The following THEMIS variants were observed in gnomAD, a reference collection of about 807,000 sequenced individuals.
The protein encoded by THEMIS is protein THEMIS.
A neutral mutation model predicts 52.6 loss-of-function variants in THEMIS; 37 were observed. The ratio of observed to expected loss-of-function variants is 0.70; its 90% CI spans 0.54 to 0.93. The LOEUF (loss-of-function observed/expected upper bound fraction) is 0.93. Among genes scored for constraint, THEMIS ranks in the 40% least tolerant of loss-of-function variants. The pLI is 0.00. For missense variants in THEMIS, 808 were observed against 763.1 expected (o/e 1.06, Z -0.69); for synonymous variants, 292 against 272.7 (o/e 1.07, Z -0.70).
chr6:127,727,317 T>G (rs1774584425), intron 4 of THEMIS, among the ~76,000 whole-genome samples: 1 of 152,192 alleles, frequency 6.6e-6, no homozygotes, highest in Non-Finnish European at 1.5e-5. Context: ...ATTAATCTTA[T>G]TTTAAATTAT....
chr6:127,908,704 C>T (rs1440652929), intron 1 of THEMIS, among the ~76,000 whole-genome samples: 1 of 152,116 alleles, frequency 6.6e-6, no homozygotes, highest in African/African-American at 2.4e-5. Flanking sequence ...TGTGATGTAA[C>T]TCTAACATTT....
chr6:127,769,145 A>G (rs1172760910), intron 4 of THEMIS, among the ~76,000 whole-genome samples: 1 of 152,200 alleles, frequency 6.6e-6, no homozygotes, highest in African/African-American at 2.4e-5. Flanking sequence ...GATTTCTTAA[A>G]TCCACACTTC....
At chr6:127,778,864 G>A (rs1479233242) in intron 4 of THEMIS, among the ~76,000 whole-genome samples, 2 of 149,640 alleles carry the variant, frequency 1.3e-5, no homozygotes, top group African/African-American at 2.5e-5. Flanking sequence ...AAAAATGGAA[G>A]GAATTGGAGA....
chr6:127,829,169 C>T (rs1778609015), intron 3 of THEMIS, among the ~76,000 whole-genome samples: 1 of 152,156 alleles, frequency 6.6e-6, no homozygotes, highest in South Asian at 2.1e-4. Context: ...AAAAGTAGCT[C>T]TTTTCTAGTC....
intron 4 of THEMIS, among the ~76,000 whole-genome samples, chr6:127,780,165 C>CT (rs1215138144): frequency 3.3e-5 from 5 of 152,024 alleles, no homozygotes; most frequent in Non-Finnish European, 7.4e-5. Flanking sequence ...CTTTCTTTGT[C>CT]TTTTTTGATC....
intron 4 of THEMIS, among the ~76,000 whole-genome samples, chr6:127,721,256 C>T (rs1322962986): frequency 2.0e-5 from 3 of 151,958 alleles, no homozygotes; most frequent in Non-Finnish European, 4.4e-5. Context: ...CAGATGAATT[C>T]CACAGCTTCA....
Position 127,813,285 on chromosome 6 carries a change from CTG to C in THEMIS, c.1354_1355del (p.Gln452ValfsTer17). 1 of 1,614,150 alleles carries C rather than the reference CTG, an allele frequency of 6.2e-7. No homozygotes were observed. Among genetic ancestry groups the C allele is most frequent in the South Asian group, 1.1e-5 (1 of 91,080 alleles). On this transcript the variant is annotated frameshift_variant, in exon 4 of 6. Transcript: ENST00000368248. LOFTEE classifies it high-confidence loss of function. ...CCTTCACATTGAAGGGCAAACGGAA[CTG>C]TTTACAGAGCTCAGAAATCGGGTAC... ...KQYPISELCK[Q>X]FRLPFNVKVS...
chr6:127,776,033 C>T (rs1776555552), intron 4 of THEMIS, among the ~76,000 whole-genome samples: 1 of 152,098 alleles, frequency 6.6e-6, no homozygotes, highest in Admixed American at 6.5e-5. Context: ...TTGTCTTTGA[C>T]CCATGTATTC....
At chr6:127,764,441 T>A (rs994715785) in intron 4 of THEMIS, among the ~76,000 whole-genome samples, 3 of 151,946 alleles carry the variant, frequency 2.0e-5, no homozygotes, top group Non-Finnish European at 4.4e-5. Flanking sequence ...ACTCCTATAA[T>A]CAATAAGAAT....
chr6:127,728,082 C>T (rs1310531862), intron 4 of THEMIS, among the ~76,000 whole-genome samples: 1 of 152,166 alleles, frequency 6.6e-6, no homozygotes, highest in African/African-American at 2.4e-5. Flanking sequence ...TGCTTTCCCT[C>T]TCCAAACATG....
chr6:127,739,704 A>G (rs1410005176), intron 4 of THEMIS, among the ~76,000 whole-genome samples: 2 of 152,228 alleles, frequency 1.3e-5, no homozygotes, highest in Non-Finnish European at 2.9e-5. Flanking sequence ...CTCAGAATAA[A>G]TGAAGAACCA....
intron 3 of THEMIS, among the ~76,000 whole-genome samples, chr6:127,822,627 A>G (rs1181634114): frequency 2.0e-5 from 3 of 152,146 alleles, no homozygotes; most frequent in African/African-American, 7.2e-5. Context: ...CATGTATCCC[A>G]TTGATGTTTG....
intron 1 of THEMIS, among the ~76,000 whole-genome samples, chr6:127,862,839 G>A (rs1223857887): frequency 6.6e-6 from 1 of 151,972 alleles, no homozygotes; most frequent in African/African-American, 2.4e-5. Flanking sequence ...ATCATACAAG[G>A]TATATTTTGA....
chr6:127,882,644 A>T (rs1780520468), intron 1 of THEMIS, among the ~76,000 whole-genome samples: 1 of 151,898 alleles, frequency 6.6e-6, no homozygotes, highest in African/African-American at 2.4e-5. Context: ...TATTTTTTTT[A>T]AATGTGATAG....
chr6:127,795,792 G>A (rs1379777809), intron 4 of THEMIS, among the ~76,000 whole-genome samples: 1 of 152,152 alleles, frequency 6.6e-6, no homozygotes, highest in African/African-American at 2.4e-5. Context: ...CACTGAAATT[G>A]CTTTTGCGCC....
chr6:127,904,986 G>C (rs111550760), upstream of THEMIS, among the ~76,000 whole-genome samples: 2,666 of 152,000 alleles, frequency 0.018, 82 homozygotes, highest in African/African-American at 0.06. Flanking sequence ...CTATCTCTGT[G>C]TCTCTGCAGA....
intron 4 of THEMIS, among the ~76,000 whole-genome samples, chr6:127,720,054 C>T (rs554397458): frequency 6.6e-6 from 1 of 151,930 alleles, no homozygotes; most frequent in African/African-American, 2.4e-5. Context: ...CATAGAAAAC[C>T]ATCTGCAAAG....
At chr6:127,784,973 ATCTATC>A (rs1776877853) in intron 4 of THEMIS, among the ~76,000 whole-genome samples, 2 of 128,830 alleles carry the variant, frequency 1.6e-5, no homozygotes, top group Admixed American at 1.5e-4. Flanking sequence ...CTATCTATCT[ATCTATC>A]TATCTATCTA....
chr6:127,719,875 T>C (rs1371528489), intron 4 of THEMIS, 52 bp from the exon 5 acceptor site: 1 of 1,592,426 alleles, frequency 6.3e-7, no homozygotes, highest in Non-Finnish European at 8.5e-7. Context: ...AAATGCTTCA[T>C]AGAGATATGA....
Sources: gnomAD v4.1 joint callset for allele counts (sites outside exome capture counted in the v4.1 genomes callset) on GRCh38, gnomAD v4.1.1 for gene constraint, MANE v1.5 for transcripts, NCBI Gene and HGNC (gene_info 2026-07-23, HGNC 2026-07-21) for gene names.